The following GCC2 variants were observed in gnomAD, a reference collection of about 807,000 sequenced individuals.
GCC2 encodes GRIP and coiled-coil domain containing 2.
A neutral mutation model predicts 210.6 loss-of-function variants in GCC2; 120 were observed. The ratio of observed to expected loss-of-function variants is 0.57; its 90% CI spans 0.49 to 0.66. The LOEUF is 0.66. Ranked by LOEUF, GCC2 falls within the 30% of genes least tolerant of loss-of-function variation. The probability of loss-of-function intolerance (pLI) is 0.00; values close to 1 mark genes in which losing one functional copy is unlikely to be tolerated. For synonymous variants in GCC2, 703 were observed against 652.7 expected (o/e 1.08, Z -1.17); for missense variants, 1,868 against 1,871.9 (o/e 1.00, Z 0.04).
intron 18 of GCC2, among the ~76,000 whole-genome samples, chr2:108,491,207 A>C (rs1367342280): frequency 6.6e-6 from 1 of 152,240 alleles, no homozygotes; most frequent in Admixed American, 6.5e-5. Flanking sequence ...CAACTGAGAC[A>C]GAACAGTGAA....
In GCC2 at chr2:108,502,023, A is replaced by G. The variant is rs1332077321; in HGVS notation, c.4984+2269A>G. Among the ~76,000 whole-genome samples the G allele has an allele frequency of 4.6e-5, 7 of 152,308 alleles. No homozygotes were observed. In the East Asian group the frequency reaches 1.2e-3, roughly 25 times the overall value. On this transcript the variant is annotated intron_variant, in intron 22 of 22. Coordinates refer to ENST00000309863, the MANE Select transcript of GCC2 (RefSeq NM_181453.4). The stretch of plus-strand genomic sequence containing the variant: ...ATGTGTATTTTTAGTAGTTATTCAA[A>G]TTACAAATTCACTGTCTTTAATTTA...
chr2:108,459,853 C>T (rs183722507), intron 4 of GCC2, among the ~76,000 whole-genome samples: 189 of 142,698 alleles, frequency 1.3e-3, no homozygotes, highest in Non-Finnish European at 2.2e-3. Context: ...TCGCTTGAAC[C>T]TGGAATGCAG....
intron 3 of GCC2, 45 bp from the exon 4 acceptor site, chr2:108,452,354 G>A: frequency 1.0e-6 from 1 of 985,360 alleles, no homozygotes; most frequent in Non-Finnish European, 1.6e-6. Context: ...CAGTAATTAT[G>A]TTCTTTATTT....
intron 5 of GCC2, chr2:108,469,415 C>A (rs575622034): frequency 4.5e-6 from 2 of 441,962 alleles, no homozygotes; most frequent in Non-Finnish European, 7.9e-6. Context: ...CTATTTCTTG[C>A]CTATTAGGTC....
intron 4 of GCC2, among the ~76,000 whole-genome samples, chr2:108,464,401 G>A (rs1023560372): frequency 6.6e-6 from 1 of 152,204 alleles, no homozygotes; most frequent in African/African-American, 2.4e-5. Flanking sequence ...GGAGGCCATG[G>A]CACTGTGCTG....
intron 4 of GCC2, among the ~76,000 whole-genome samples, chr2:108,453,124 A>G (rs914488119): frequency 6.6e-6 from 1 of 152,222 alleles, no homozygotes; most frequent in African/African-American, 2.4e-5. Context: ...ATCCCTGGAC[A>G]TGTCTACTGA....
At chr2:108,453,970 G>C (rs1204750364) in intron 4 of GCC2, among the ~76,000 whole-genome samples, 1 of 151,800 alleles carries the variant, frequency 6.6e-6, no homozygotes, top group Non-Finnish European at 1.5e-5. Context: ...AATATCCGTT[G>C]GTTATATATT....
At chr2:108,488,220 T>C (rs1682242454) in intron 17 of GCC2, among the ~76,000 whole-genome samples, 1 of 152,200 alleles carries the variant, frequency 6.6e-6, no homozygotes, top group South Asian at 2.1e-4. Flanking sequence ...AATTCTATTA[T>C]GATTTTTAAC....
At position 108,479,940 on chromosome 2, in the gene GCC2, C is replaced by G. The variant is rs201749728; in HGVS notation, c.3061-1757C>G. Reference sequence around the variant, plus strand: ...AAGGCTGCAGTAAGCCAAGGTCACGCCACTGCACTCCAGCCTGGCGACAGA... The same window carrying G: ...AAGGCTGCAGTAAGCCAAGGTCACGGCACTGCACTCCAGCCTGGCGACAGA... On this transcript the variant is annotated intron_variant, in intron 9 of 22. Coordinates refer to ENST00000309863, the MANE Select transcript of GCC2 (RefSeq NM_181453.4). 4.7e-5 allele frequency among the ~76,000 whole-genome samples: 7 copies of G among 147,794 alleles called. No individual in the cohort carries two copies. The East Asian group carries it at 1.0e-3, about 21-fold the overall frequency.
At position 108,485,668 on chromosome 2, in the gene GCC2, GA is replaced by G. The variant is rs760884932; in HGVS notation, c.3653del (p.Asn1218ThrfsTer9). 3 of 1,591,398 alleles carry G rather than the reference GA, an allele frequency of 1.9e-6. No individual in the cohort carries two copies. Among genetic ancestry groups the G allele is most frequent in the Non-Finnish European group, 2.6e-6 (3 of 1,170,250 alleles). ...SLQSSVQQYEEKNTKIKQLLV... is the reference protein window; with the variant it reads ...SLQSSVQQYEXKNTKIKQLLV... ...ACAGTCTTCAGTACAACAATATGAA[GA>G]AAAAAACACCAAAATCAAGCAATTG... On this transcript the variant is annotated frameshift_variant, in exon 14 of 23. Transcript: ENST00000309863. LOFTEE classifies it high-confidence loss of function.
chr2:108,482,527 CT>C, intron 11 of GCC2, 76 bp downstream of exon 11: 1 of 712,868 alleles, frequency 1.4e-6, no homozygotes, highest in Non-Finnish European at 2.4e-6. Flanking sequence ...GAAGGGAAGA[CT>C]TACTAAGAGT....
intron 22 of GCC2, among the ~76,000 whole-genome samples, chr2:108,504,034 G>T (rs1683061238): frequency 6.6e-6 from 1 of 152,144 alleles, no homozygotes; most frequent in Admixed American, 6.5e-5. Flanking sequence ...TTTGTTATAA[G>T]GAGTTCGAGG....
rs1456640622 is a variant in GCC2 at position 108,451,101 on chromosome 2, C to T, written c.137C>T (p.Ser46Leu). 1.3e-6 allele frequency: 2 copies of T among 1,598,658 alleles called. No individual in the cohort carries two copies. Among genetic ancestry groups the T allele is most frequent in the South Asian group, 2.2e-5 (2 of 90,670 alleles). ...ATGATGCTAATACAGAAAGCTAAAT[C>T]AAGGTGTACAGGTATTGGGTTGAAA... ...KQMMLIQKAK[S>L]RCTELEKEIE... The change falls in exon 3 of 23, where the codon TCA becomes TTA. Residue 46 changes from serine to leucine, a missense_variant. Physicochemically the swap from Ser to Leu is moderately radical, Grantham distance 145. Around this residue, in one of 3 missense-constraint regions of GCC2, gnomAD observed 1,847 missense variants for 1,765.2 expected, o/e 1.05. Transcript: ENST00000309863.
chr2:108,496,913 A>C, intron 20 of GCC2, 57 bp from the exon 21 acceptor site: 10 of 1,605,054 alleles, frequency 6.2e-6, no homozygotes, highest in Non-Finnish European at 8.5e-6. Flanking sequence ...TCTTATTTAG[A>C]ATCTTCATCT....
chr2:108,450,903 G>A (rs13397470), intron 2 of GCC2, 125 bp from the exon 3 acceptor site: 272,716 of 653,482 alleles, frequency 0.42, 62,685 homozygotes, highest in East Asian at 0.83. Context: ...GTGGAACAAA[G>A]TATGCGGTTG....
At position 108,469,546 on chromosome 2, in the gene GCC2, C is replaced by T. The variant is rs1681074317; in HGVS notation, c.322-105C>T. The T allele has an allele frequency of 5.1e-5, 37 of 720,530 alleles. No individual in the cohort carries two copies. The South Asian group carries it at 7.2e-4, about 14-fold the overall frequency. 44.6% of individuals were successfully genotyped at this position (720,530 alleles called of 1,614,324 possible). On this transcript the variant is annotated intron_variant, in intron 5 of 22. Coordinates refer to ENST00000309863, the MANE Select transcript of GCC2 (RefSeq NM_181453.4). Reference sequence around the variant, plus strand: ...ATGTTTCTCCAAATACATTTCTGCTCATTTACTTTTCTCTCTACTTAGCTT... The same window carrying T: ...ATGTTTCTCCAAATACATTTCTGCTTATTTACTTTTCTCTCTACTTAGCTT...
In GCC2 at chr2:108,471,420, C is replaced by G. The variant is rs762619155; in HGVS notation, c.2091C>G (p.Leu697=). 1.2e-6 allele frequency: 2 copies of G among 1,605,642 alleles called. No homozygotes were observed. Among genetic ancestry groups the G allele is most frequent in the Non-Finnish European group, 1.7e-6 (2 of 1,177,698 alleles). Residue 697 remains leucine (L), a synonymous_variant, in exon 6 of 23, where the codon CTC becomes CTG. Transcript: ENST00000309863. ...CTCTTTATGAGGAAAACAATAAACT[C>G]AGTTCAGAAAAAAAACAGTTGAGTA... The part of the protein sequence containing the change: ...VKSLYEENNK[L]SSEKKQLSRD...
chr2:108,473,558 T>C (rs1377544309), intron 7 of GCC2, among the ~76,000 whole-genome samples: 2 of 152,162 alleles, frequency 1.3e-5, no homozygotes, highest in African/African-American at 2.4e-5. Context: ...TTCCTCACAG[T>C]AACATTATAG....
At chr2:108,488,683 TG>T (rs1269535437) in intron 17 of GCC2, among the ~76,000 whole-genome samples, 2 of 152,216 alleles carry the variant, frequency 1.3e-5, no homozygotes, top group African/African-American at 4.8e-5. Flanking sequence ...ATACAGATCC[TG>T]TTTGTACTGG....
Sources: gnomAD v4.1 joint callset for allele counts (sites outside exome capture counted in the v4.1 genomes callset) on GRCh38, gnomAD v4.1.1 for gene constraint, gnomAD v4.1.1 regional missense constraint, MANE v1.5 for transcripts, NCBI Gene and HGNC (gene_info 2026-07-23, HGNC 2026-07-21) for gene names.